Variants in QTGAL observed in about 807,000 individuals in gnomAD.
QTGAL encodes the protein queuosine-tRNA galactosyltransferase.
At chr17:82,946,569 A>AGT in the QTGAL span, among the ~76,000 whole-genome samples, 36 of 150,192 alleles carry the variant, frequency 2.4e-4, no homozygotes, top group East Asian at 7.8e-4. Flanking sequence ...ACAGAACCCA[A>AGT]GTGTGTGTGT....
chr17:83,005,638 A>T, the QTGAL span: 1 of 703,368 alleles, frequency 1.4e-6, no homozygotes, highest in Non-Finnish European at 2.6e-6. This position sits in a 1 kb window ranked among gnomAD's most constrained non-coding sequence, Gnocchi z 5.6. Flanking sequence ...CGCCCGTCTG[A>T]ACCTGCTCCA....
chr17:83,030,630 C>T, the QTGAL span: 1 of 152,354 alleles, frequency 6.6e-6, no homozygotes, highest in African/African-American at 2.4e-5. Flanking sequence ...CCCCACAGCC[C>T]CGGCGATGAC....
At chr17:82,942,280 C>A in the QTGAL span, 1 of 893,860 alleles carries the variant, frequency 1.1e-6, no homozygotes, top group Non-Finnish European at 1.7e-6. Flanking sequence ...GTCATGAGCA[C>A]CTGTCAGCCA....
At chr17:82,985,322 T>G in the QTGAL span, among the ~76,000 whole-genome samples, 1 of 152,224 alleles carries the variant, frequency 6.6e-6, no homozygotes, top group Non-Finnish European at 1.5e-5. Flanking sequence ...AAAACTTGAC[T>G]TGGTGGCTGA....
the QTGAL span, among the ~76,000 whole-genome samples, chr17:83,020,246 AAG>A: frequency 2.0e-5 from 3 of 152,240 alleles, no homozygotes; most frequent in Admixed American, 6.5e-5. Flanking sequence ...GGGTCCCAGA[AAG>A]AGAGAGAGAA....
At chr17:82,960,212 C>G in the QTGAL span, 2 of 152,322 alleles carry the variant, frequency 1.3e-5, no homozygotes, top group Non-Finnish European at 2.9e-5. Flanking sequence ...CCCAGCCCCA[C>G]CCCGTGACCT....
At chr17:83,046,817 C>T in the QTGAL span, among the ~76,000 whole-genome samples, 1 of 152,186 alleles carries the variant, frequency 6.6e-6, no homozygotes, top group African/African-American at 2.4e-5. Context: ...GGTAGAACAA[C>T]TCAAATGTCC....
the QTGAL span, chr17:83,048,691 G>C: frequency 6.2e-7 from 1 of 1,613,968 alleles, no homozygotes; most frequent in Non-Finnish European, 8.5e-7. Flanking sequence ...ATTGAAAACA[G>C]ACAGCTCCAT....
chr17:83,029,390 T>C, the QTGAL span, among the ~76,000 whole-genome samples: 1 of 152,178 alleles, frequency 6.6e-6, no homozygotes, highest in African/African-American at 2.4e-5. Context: ...TTTGTATAGA[T>C]ACCAGATAGT....
the QTGAL span, chr17:82,956,557 T>A: frequency 1.0e-6 from 1 of 992,440 alleles, no homozygotes; most frequent in East Asian, 2.6e-5. The surrounding 1 kb of genome is among the most constrained non-coding windows in gnomAD (Gnocchi z 5.7). Flanking sequence ...TGTGGACGGC[T>A]GTGGCACCTG....
At chr17:82,977,889 T>A in the QTGAL span, among the ~76,000 whole-genome samples, 1 of 152,148 alleles carries the variant, frequency 6.6e-6, no homozygotes, top group Non-Finnish European at 1.5e-5. Flanking sequence ...TGTCTTCTCA[T>A]CACCGGGGTT....
chr17:83,030,037 T>A, the QTGAL span, among the ~76,000 whole-genome samples: 1 of 152,156 alleles, frequency 6.6e-6, no homozygotes, highest in Non-Finnish European at 1.5e-5. Context: ...ACAGTTATAA[T>A]CACAGAGACA....
chr17:83,021,906 C>G, the QTGAL span, among the ~76,000 whole-genome samples: 1 of 152,100 alleles, frequency 6.6e-6, no homozygotes, highest in East Asian at 1.9e-4. Context: ...AATAGATCCA[C>G]GCTTTTTTGG....
the QTGAL span, among the ~76,000 whole-genome samples, chr17:83,012,323 G>A: frequency 6.6e-6 from 1 of 152,246 alleles, no homozygotes; most frequent in East Asian, 1.9e-4. Flanking sequence ...CACATGCCAC[G>A]AAGAACTGCC....
chr17:83,015,410 G>C, the QTGAL span, among the ~76,000 whole-genome samples: 4 of 152,252 alleles, frequency 2.6e-5, no homozygotes, highest in South Asian at 4.1e-4. The surrounding 1 kb of genome is among the most constrained non-coding windows in gnomAD (Gnocchi z 4.4). Context: ...AGAACCCAGT[G>C]AGTGAGAATA....
the QTGAL span, among the ~76,000 whole-genome samples, chr17:83,033,500 C>A: frequency 6.7e-6 from 1 of 148,826 alleles, no homozygotes; most frequent in Non-Finnish European, 1.5e-5. Flanking sequence ...GAGACAGAGT[C>A]CCGCTCTGTC....
the QTGAL span, among the ~76,000 whole-genome samples, chr17:82,963,107 G>A: frequency 6.6e-6 from 1 of 152,180 alleles, no homozygotes. Context: ...AAGTGTGGCC[G>A]CCGCCCAGCC....
the QTGAL span, among the ~76,000 whole-genome samples, chr17:82,971,645 G>C: frequency 1.1e-4 from 14 of 122,290 alleles, 1 homozygote; most frequent in Admixed American, 9.4e-4. Context: ...ACCTGGTGCC[G>C]ACCACACCAC....
the QTGAL span, chr17:83,048,335 G>C: frequency 2.5e-6 from 2 of 787,172 alleles, no homozygotes; most frequent in Admixed American, 4.5e-5. Flanking sequence ...GCCTCTACTA[G>C]GTTCTTAATA....
Sources: allele counts gnomAD v4.1 joint callset (sites outside exome capture counted in the v4.1 genomes callset), GRCh38; gene constraint gnomAD v4.1.1; non-coding constraint Gnocchi (gnomAD v3.1); transcripts MANE v1.5; gene names NCBI Gene and HGNC (gene_info 2026-07-23, HGNC 2026-07-21).